Variants in PRH1 observed in about 807,000 individuals in gnomAD.
PRH1 encodes salivary acidic proline-rich phosphoprotein 1/2.
PRH1 carries 7 observed loss-of-function variants against 7.9 expected under a neutral mutation model. The observed-to-expected ratio is 0.89, with a 90% CI of 0.50 to 1.67. The LOEUF (loss-of-function observed/expected upper bound fraction) is 1.67. PRH1 is among the 40% of genes most tolerant of loss of function. The pLI is 0.00. For missense variants in PRH1, 109 were observed against 223.6 expected, an observed-to-expected ratio of 0.49 and a Z score of 3.27; for synonymous variants, 45 against 80.8, an observed-to-expected ratio of 0.56 and a Z score of 2.38.
At chr12:10,908,917 T>A in intron 2 of PRH1, 1 of 1,613,098 alleles carries the variant, frequency 6.2e-7, no homozygotes, top group Non-Finnish European at 8.5e-7. Flanking sequence ...AGAATCACTT[T>A]GTTTACTCTC....
At chr12:11,089,696 TTAAA>T (rs1944815460) in intron 1 of PRH1, among the ~76,000 whole-genome samples, 2 of 119,084 alleles carry the variant, frequency 1.7e-5, no homozygotes, top group Non-Finnish European at 4.0e-5. Context: ...GCCATTTTAT[TTAAA>T]TAGTCAACTA....
downstream of PRH1, among the ~76,000 whole-genome samples, chr12:11,119,871 G>A (rs866532522): frequency 3.3e-5 from 5 of 152,150 alleles, no homozygotes; most frequent in African/African-American, 1.2e-4. Context: ...CACCAATCAC[G>A]GGTTATATAA....
At chr12:10,994,216 G>C (rs1405317209) in intron 1 of PRH1, among the ~76,000 whole-genome samples, 1 of 152,174 alleles carries the variant, frequency 6.6e-6, no homozygotes, top group Non-Finnish European at 1.5e-5. Flanking sequence ...GACTTGAATG[G>C]ATCACCACAT....
At chr12:11,139,286 A>G (rs1172296932) in intron 1 of PRH1, among the ~76,000 whole-genome samples, 1 of 152,192 alleles carries the variant, frequency 6.6e-6, no homozygotes, top group African/African-American at 2.4e-5. Flanking sequence ...CATTGATGTT[A>G]CCAAACCTTG....
At position 10,938,983 on chromosome 12, in the gene PRH1, T is replaced by A; in HGVS notation, c.-59+34672A>T. ...TTCTGAACATTTTTTCAGTGGCAAATAAAGCTGGGAAAAACACAGACACAC... is the reference window on the plus strand; with the variant it reads ...TTCTGAACATTTTTTCAGTGGCAAAAAAAGCTGGGAAAAACACAGACACAC... On this transcript the variant is annotated intron_variant, in intron 2 of 3. Coordinates refer to the PRH1 transcript ENST00000539853. The A allele has an allele frequency of 3.7e-6, 6 of 1,613,326 alleles. No individual in the cohort carries two copies. The South Asian group carries it at 6.6e-5, about 18-fold the overall frequency.
chr12:10,975,526 T>C (rs1162981934), intron 1 of PRH1, among the ~76,000 whole-genome samples: 1 of 152,112 alleles, frequency 6.6e-6, no homozygotes, highest in Non-Finnish European at 1.5e-5. Context: ...ATCTGCATAA[T>C]AACCAGCTAA....
intron 2 of PRH1, among the ~76,000 whole-genome samples, chr12:10,928,433 C>T (rs1327980928): frequency 1.3e-5 from 2 of 152,210 alleles, no homozygotes; most frequent in African/African-American, 4.8e-5. Flanking sequence ...GAGGTCTTAG[C>T]TACATGACAT....
chr12:10,916,003 A>C (rs1949966989), intron 2 of PRH1, among the ~76,000 whole-genome samples: 1 of 152,236 alleles, frequency 6.6e-6, no homozygotes, highest in South Asian at 2.1e-4. Flanking sequence ...TAATAAAGAC[A>C]TACACAAGAC....
intron 1 of PRH1, among the ~76,000 whole-genome samples, chr12:11,025,279 T>C (rs935902277): frequency 6.6e-6 from 1 of 152,230 alleles, no homozygotes; most frequent in Non-Finnish European, 1.5e-5. Context: ...CAACTTTGTA[T>C]TTTCAGTAAT....
intron 1 of PRH1, among the ~76,000 whole-genome samples, chr12:11,020,955 A>G (rs1363657789): frequency 6.6e-6 from 1 of 152,196 alleles, no homozygotes; most frequent in African/African-American, 2.4e-5. Context: ...TAAAAAAATT[A>G]TAACAGCACT....
intron 1 of PRH1, among the ~76,000 whole-genome samples, chr12:11,099,626 G>C (rs1374723866): frequency 6.6e-6 from 1 of 152,148 alleles, no homozygotes; most frequent in Non-Finnish European, 1.5e-5. Context: ...GAACCCTGGA[G>C]GTGGAGGTTG....
At chr12:11,036,410 C>A (rs1942435722) in intron 1 of PRH1, among the ~76,000 whole-genome samples, 1 of 152,182 alleles carries the variant, frequency 6.6e-6, no homozygotes, top group South Asian at 2.1e-4. Context: ...AGAACTACAA[C>A]CTTCTAACTC....
chr12:11,105,934 TTC>T (rs1945398027), intron 1 of PRH1, among the ~76,000 whole-genome samples: 1 of 107,594 alleles, frequency 9.3e-6, no homozygotes, highest in Non-Finnish European at 2.2e-5. Context: ...GAATAACTTA[TTC>T]TTTTTTTTTT....
At chr12:11,042,335 A>G (rs1331130017) in intron 1 of PRH1, among the ~76,000 whole-genome samples, 3 of 151,970 alleles carry the variant, frequency 2.0e-5, no homozygotes, top group African/African-American at 7.2e-5. Context: ...AGTATGAACA[A>G]CTATATATCA....
chr12:10,964,710 C>T lies in PRH1; in HGVS notation c.-59+8945G>A, dbSNP rs1383163300. 9.2e-6 allele frequency: 6 copies of T among 653,704 alleles called. No homozygotes were observed. The African/African-American group carries it at 1.1e-4, about 12-fold the overall frequency. The allele number at this position is 653,704 out of a possible 1,614,324, so 40.5% of individuals were successfully genotyped here. On this transcript the variant is annotated intron_variant, in intron 2 of 3. Transcript: ENST00000539853. ...ACCTTGGTGTTGGAATCTGGAGATC[C>T]TTTGCCATGGAACTGCATCTTCTTG... is the stretch of plus-strand genomic sequence containing the variant.
intron 1 of PRH1, among the ~76,000 whole-genome samples, chr12:11,005,520 CA>C (rs1940786483): frequency 6.6e-6 from 1 of 152,046 alleles, no homozygotes; most frequent in Non-Finnish European, 1.5e-5. Context: ...GTTTTCTTAT[CA>C]AAAGAATCCA....
chr12:10,973,822 GTCTT>G, intron 1 of PRH1: 1 of 623,400 alleles, frequency 1.6e-6, no homozygotes, highest in Middle Eastern at 2.8e-4. Context: ...CACAAGGAGA[GTCTT>G]TATAGGTGAA....
chr12:10,884,342 A>G (rs1264801496), upstream of PRH1: 15 of 1,168,262 alleles, frequency 1.3e-5, no homozygotes, highest in East Asian at 3.4e-4. Context: ...CTCGCCTCAG[A>G]GACTGGCTTC....
chr12:10,905,104 T>C (rs1433366566), intron 2 of PRH1, among the ~76,000 whole-genome samples: 3 of 152,028 alleles, frequency 2.0e-5, no homozygotes, highest in Non-Finnish European at 4.4e-5. Context: ...TCAGCCACTG[T>C]AGAAAGCAGT....
Sources: allele counts gnomAD v4.1 joint callset (sites outside exome capture counted in the v4.1 genomes callset), GRCh38; gene constraint gnomAD v4.1.1; transcripts MANE v1.5; gene names NCBI Gene and HGNC (gene_info 2026-07-23, HGNC 2026-07-21).